MKLN1: variants seen among roughly 807,000 people sequenced by gnomAD.
The protein encoded by MKLN1 is muskelin.
In MKLN1, 18 loss-of-function variants were observed where a neutral mutation model predicts 99.0. The observed-to-expected ratio is 0.18, with a 90% confidence interval of 0.13 to 0.27. The LOEUF (loss-of-function observed/expected upper bound fraction) is 0.27, where lower values mean the gene tolerates loss of function less well. Among genes scored for constraint, MKLN1 ranks in the 10% least tolerant of loss-of-function variants. The pLI, the probability that MKLN1 is intolerant of heterozygous loss-of-function variation, is 1.00. For missense variants in MKLN1, 621 were observed against 875.9 expected, an observed-to-expected ratio of 0.71 and a Z score of 3.67; for synonymous variants, 288 against 293.2, an observed-to-expected ratio of 0.98 and a Z score of 0.18.
intron 3 of MKLN1, among the ~76,000 whole-genome samples, chr7:131,312,926 G>T (rs961268251): frequency 6.6e-6 from 1 of 152,162 alleles, no homozygotes; most frequent in Non-Finnish European, 1.5e-5. Flanking sequence ...CTCAACTAGG[G>T]ATGATGGGGC....
chr7:131,373,854 C>A (rs932743701), intron 1 of MKLN1, among the ~76,000 whole-genome samples: 5 of 152,102 alleles, frequency 3.3e-5, no homozygotes, highest in African/African-American at 1.2e-4. Flanking sequence ...TTCTCTGATC[C>A]AAGATCCCAC....
chr7:131,242,725 G>T, intron 3 of MKLN1: 1 of 688,832 alleles, frequency 1.5e-6, no homozygotes, highest in Admixed American at 1.8e-5. Flanking sequence ...CTGGTGGCTG[G>T]AATTGACCGC....
At chr7:131,423,631 C>A (rs1795269227) in intron 8 of MKLN1, among the ~76,000 whole-genome samples, 1 of 152,180 alleles carries the variant, frequency 6.6e-6, no homozygotes, top group African/African-American at 2.4e-5. Context: ...CACATCCGGC[C>A]TGAAAGTGCT....
chr7:131,289,157 A>G (rs143954902), intron 3 of MKLN1, among the ~76,000 whole-genome samples: 1 of 152,122 alleles, frequency 6.6e-6, no homozygotes, highest in African/African-American at 2.4e-5. Flanking sequence ...TCTCATGAGC[A>G]TAGGTCTGAT....
At chr7:131,376,657 A>T (rs918357971) in intron 2 of MKLN1, among the ~76,000 whole-genome samples, 1 of 149,294 alleles carries the variant, frequency 6.7e-6, no homozygotes, top group African/African-American at 2.5e-5. Context: ...AAAAAAAAAG[A>T]ATATATATTT....
chr7:131,152,576 T>C (rs1795903837), intron 2 of MKLN1, among the ~76,000 whole-genome samples: 2 of 150,610 alleles, frequency 1.3e-5, no homozygotes, highest in Non-Finnish European at 3.0e-5. Context: ...CTTGGCTCAC[T>C]GCAACCTCCA....
chr7:131,411,784 G>T (rs1245826075), intron 7 of MKLN1, among the ~76,000 whole-genome samples: 1 of 151,806 alleles, frequency 6.6e-6, no homozygotes, highest in Admixed American at 6.6e-5. Context: ...GTGTGTGCCT[G>T]TAATCCCAGC....
intron 2 of MKLN1, among the ~76,000 whole-genome samples, chr7:131,151,469 C>T (rs957931463): frequency 3.3e-5 from 5 of 152,148 alleles, no homozygotes; most frequent in African/African-American, 1.2e-4. Flanking sequence ...TTAAGATTAT[C>T]CTATTACACC....
chr7:131,315,663 T>C (rs938271585), intron 3 of MKLN1, among the ~76,000 whole-genome samples: 30 of 152,128 alleles, frequency 2.0e-4, no homozygotes, highest in Admixed American at 2.0e-3. Context: ...AAATTCTCAC[T>C]GCCAGCACAC....
intron 2 of MKLN1, among the ~76,000 whole-genome samples, chr7:131,191,531 C>G (rs1796541430): frequency 6.6e-6 from 1 of 152,034 alleles, no homozygotes; most frequent in Non-Finnish European, 1.5e-5. Flanking sequence ...GAATAGCTGC[C>G]TCATTTTTAT....
chr7:131,359,783 G>C (rs1367202244), intron 1 of MKLN1, among the ~76,000 whole-genome samples: 1 of 151,448 alleles, frequency 6.6e-6, no homozygotes, highest in Non-Finnish European at 1.5e-5. Context: ...ACCCAGACTG[G>C]AGTGCAGTGT....
At chr7:131,180,023 T>C (rs951723311) in intron 2 of MKLN1, among the ~76,000 whole-genome samples, 2 of 152,156 alleles carry the variant, frequency 1.3e-5, no homozygotes, top group Admixed American at 1.3e-4. Flanking sequence ...TCTTGAAGTG[T>C]TAGGATTACA....
intron 6 of MKLN1, among the ~76,000 whole-genome samples, chr7:131,403,540 A>G (rs912398719): frequency 2.0e-5 from 3 of 152,156 alleles, no homozygotes; most frequent in African/African-American, 7.2e-5. Flanking sequence ...GTCAACTTTC[A>G]GCCTATCTTG....
intron 1 of MKLN1, among the ~76,000 whole-genome samples, chr7:131,337,859 A>C (rs1799295660): frequency 6.6e-6 from 1 of 152,154 alleles, no homozygotes; most frequent in Middle Eastern, 3.4e-3. Context: ...AGTGCCAGAC[A>C]TTATATGCAG....
intron 3 of MKLN1, among the ~76,000 whole-genome samples, chr7:131,308,111 T>C (rs1798495594): frequency 2.0e-5 from 3 of 152,202 alleles, no homozygotes; most frequent in Admixed American, 6.5e-5. Flanking sequence ...CTTCCCTCAC[T>C]GGATCTCTCT....
intron 2 of MKLN1, among the ~76,000 whole-genome samples, chr7:131,175,292 G>C (rs1563241382): frequency 6.6e-6 from 1 of 151,128 alleles, no homozygotes; most frequent in Non-Finnish European, 1.5e-5. Context: ...ACTTCTTCCT[G>C]ATTTTGTTGT....
At chr7:131,437,424 G>C (rs1795705941) in intron 9 of MKLN1, among the ~76,000 whole-genome samples, 1 of 152,190 alleles carries the variant, frequency 6.6e-6, no homozygotes, top group African/African-American at 2.4e-5. Flanking sequence ...AAAGTAGATT[G>C]TCATGTAATA....
chr7:131,113,063 G>A (rs1795221668), intron 1 of MKLN1, among the ~76,000 whole-genome samples: 1 of 152,170 alleles, frequency 6.6e-6, no homozygotes, highest in African/African-American at 2.4e-5. Context: ...CTGCTCTGAA[G>A]GACATTATAG....
chr7:131,180,243 G>T (rs1796359543), intron 2 of MKLN1, among the ~76,000 whole-genome samples: 1 of 152,016 alleles, frequency 6.6e-6, no homozygotes, highest in African/African-American at 2.4e-5. Context: ...CTTGTGTCTG[G>T]CTCCAAATTA....
Sources: allele counts gnomAD v4.1 joint callset (sites outside exome capture counted in the v4.1 genomes callset), GRCh38; gene constraint gnomAD v4.1.1; transcripts MANE v1.5; gene names NCBI Gene and HGNC (gene_info 2026-07-23, HGNC 2026-07-21).